Variants in SLC39A4 observed in about 807,000 individuals in gnomAD.
The protein encoded by SLC39A4 is zinc transporter ZIP4.
In SLC39A4, 49 loss-of-function variants were observed where a neutral mutation model predicts 56.6. That is an observed-to-expected ratio of 0.87 (90% CI 0.69 to 1.10). The LOEUF (loss-of-function observed/expected upper bound fraction) is 1.10. Ranked by LOEUF, SLC39A4 falls within the 50% of genes least tolerant of loss-of-function variation. The probability of loss-of-function intolerance (pLI) is 0.00; values close to 1 mark genes in which losing one functional copy is unlikely to be tolerated. For missense variants in SLC39A4, 993 were observed against 864.2 expected (o/e 1.15, Z -1.87); for synonymous variants, 540 against 420.4 (o/e 1.28, Z -3.48).
intron 1 of SLC39A4, chr8:144,416,318 G>C: frequency 1.3e-6 from 2 of 1,503,404 alleles, no homozygotes; most frequent in Middle Eastern, 1.7e-4. Context: ...ATCCCCAGGG[G>C]ACTCCCCTGG....
At chr8:144,413,936 G>A (rs736676) in intron 7 of SLC39A4, 22 bp downstream of exon 7, 2 of 1,609,320 alleles carry the variant, frequency 1.2e-6, no homozygotes, top group African/African-American at 1.3e-5. Context: ...CACCCGCCGG[G>A]TACCTTCCCA....
At chr8:144,414,155 AG>A in intron 6 of SLC39A4, 60 bp from the exon 7 acceptor site, 3 of 1,561,550 alleles carry the variant, frequency 1.9e-6, no homozygotes, top group Non-Finnish European at 2.6e-6. Context: ...ACCAAGACCC[AG>A]GGAGAGGGGT....
Position 144,414,308 on chromosome 8 carries a change from G to A in SLC39A4, c.1103C>T (p.Ala368Val), listed in dbSNP as rs377304857. The change falls in exon 6 of 12, where the codon GCA (alanine) becomes GTA (valine). Residue 368 changes from alanine (A) to valine (V), a missense_variant. By Grantham distance (64) the Ala-to-Val change is moderately conservative. Transcript: ENST00000301305. ...HYILQTFLSL[A>V]VGAVTGDAVL... Reference sequence around the variant, plus strand: ...AGCGTCCCCAGTGACTGCACCCACTGCCAGGCTCAGGAAGGTCTGCAGGAT... The same window carrying A: ...AGCGTCCCCAGTGACTGCACCCACTACCAGGCTCAGGAAGGTCTGCAGGAT... 1.2e-5 allele frequency: 20 copies of A among 1,606,006 alleles called. No individual in the cohort carries two copies. Among genetic ancestry groups the A allele is most frequent in the Non-Finnish European group, 1.6e-5 (19 of 1,177,624 alleles).
chr8:144,413,178 C>T, intron 10 of SLC39A4, 59 bp downstream of exon 10: 2 of 1,486,852 alleles, frequency 1.3e-6, no homozygotes, highest in South Asian at 1.2e-5. Flanking sequence ...TGTTCCAGGT[C>T]TCCCCTCCCA....
In SLC39A4 at chr8:144,413,661, C is replaced by G; in HGVS notation, c.1419+89G>C. The G allele has an allele frequency of 3.2e-6, 5 of 1,543,072 alleles. No individual in the cohort carries two copies. In the South Asian group the frequency reaches 6.0e-5, roughly 18 times the overall value. Reference sequence around the variant, plus strand: ...CAGATCACCGCGGGAGGCGGAGCCGCAGGCCTGGGGTGGGGCTGGGAGTGT... The same window carrying G: ...CAGATCACCGCGGGAGGCGGAGCCGGAGGCCTGGGGTGGGGCTGGGAGTGT... On this transcript the variant is annotated intron_variant, in intron 8 of 11. Transcript: ENST00000301305.
At position 144,414,268 on chromosome 8, in the gene SLC39A4, C is replaced by A. The variant is rs782380921; in HGVS notation, c.1143G>T (p.Thr381=). The A allele has an allele frequency of 5.0e-6, 8 of 1,608,576 alleles. No individual in the cohort carries two copies. Among genetic ancestry groups the A allele is most frequent in the Non-Finnish European group, 6.8e-6 (8 of 1,178,708 alleles). ...CGGGTTTGTGGGGGCAGACCTTGGG[C>A]GTCAGATGCAGGACAGCGTCCCCAG... ...AVTGDAVLHL[T]PKVLGLHTHS... Residue 381 remains threonine (T), a synonymous_variant, in exon 6 of 12, where the codon ACG becomes ACT. Transcript: ENST00000301305.
At chr8:144,413,592 C>T (rs1822004334) in intron 8 of SLC39A4, 25 bp from the exon 9 acceptor site, 1 of 1,549,670 alleles carries the variant, frequency 6.5e-7, no homozygotes, top group African/African-American at 1.4e-5. Flanking sequence ...GAGTAAGTCC[C>T]GCCCGGAAGT....
intron 5 of SLC39A4, 100 bp downstream of exon 5, chr8:144,414,625 C>T (rs1173801484): frequency 1.3e-6 from 2 of 1,550,594 alleles, no homozygotes; most frequent in Admixed American, 3.6e-5. Flanking sequence ...CTTCCAGCCC[C>T]TGCTCACTCT....
chr8:144,416,522 C>G (rs782809962), intron 1 of SLC39A4, 76 bp downstream of exon 1: 6 of 1,522,368 alleles, frequency 3.9e-6, no homozygotes, highest in Non-Finnish European at 5.3e-6. Flanking sequence ...TGCCCAGGGC[C>G]CTTTGCTGCC....
chr8:144,416,463 G>T, intron 1 of SLC39A4, 135 bp downstream of exon 1: 1 of 1,467,620 alleles, frequency 6.8e-7, no homozygotes, highest in Non-Finnish European at 9.0e-7. Flanking sequence ...CTGTGGGGAG[G>T]GTCAGGGTGC....
intron 1 of SLC39A4, 33 bp downstream of exon 1, chr8:144,416,565 A>T: frequency 6.4e-7 from 1 of 1,550,946 alleles, no homozygotes. Context: ...GGAAGAGGCC[A>T]GGGCTGGGGG....
rs1554873549 is a variant in SLC39A4, at chr8:144,415,297, C to G, written c.597G>C (p.Leu199Phe). 1 of 1,613,232 alleles carries G rather than the reference C, an allele frequency of 6.2e-7. No homozygotes were observed. Among genetic ancestry groups the G allele is most frequent in the Admixed American group, 1.7e-5 (1 of 60,010 alleles). Residue 199 changes from leucine (L) to phenylalanine (F), a missense_variant, in exon 3 of 12, where the codon TTG becomes TTC. Leu to Phe is a conservative substitution (Grantham distance 22). Transcript: ENST00000301305. ...AGTCCACGAAGTACTGAGGGCTCGG[C>G]AAGGCGTGGAAGCAAGACCCGCTCC... ...HVRSGSCFHA[L>F]PSPQYFVDFV... is the part of the protein sequence containing the mutation.
rs782455816 is a variant in SLC39A4, at chr8:144,416,679, G to A, written c.111C>T (p.Gly37=). The change falls in exon 1 of 12, where the codon GGC becomes GGT. Residue 37 remains glycine, a synonymous_variant. Transcript: ENST00000301305. ...CGCCCAGAGCCTCTTGATCCAGAGCGCCCTGGCCAGAGGTGAGCAGGCTCA... is the reference window on the plus strand; with the variant it reads ...CGCCCAGAGCCTCTTGATCCAGAGCACCCTGGCCAGAGGTGAGCAGGCTCA... The part of the protein sequence containing the change: ...GLLSLLTSGQ[G]ALDQEALGGL... 15 of 1,611,740 alleles carry A rather than the reference G, an allele frequency of 9.3e-6. No individual in the cohort carries two copies. Among genetic ancestry groups the A allele is most frequent in the Admixed American group, 3.3e-5 (2 of 59,838 alleles).
chr8:144,414,022 G>A lies in SLC39A4; in HGVS notation c.1223C>T (p.Ala408Val), dbSNP rs782378055. Residue 408 changes from alanine (A) to valine (V), a missense_variant, in exon 7 of 12, where the codon GCC becomes GTC. Ala to Val is a moderately conservative substitution (Grantham distance 64). Coordinates refer to ENST00000301305, the MANE Select transcript of SLC39A4 (RefSeq NM_130849.4). Reference protein sequence around the residue: ...QPTWRLLAMLAGLYAFFLFEN... With the variant: ...QPTWRLLAMLVGLYAFFLFEN... ...AAACAGGAAGAAGGCGTAGAGCCCGGCCAGCATAGCCAGGAGGCGCCAGGT... is the reference window on the plus strand; with the variant it reads ...AAACAGGAAGAAGGCGTAGAGCCCGACCAGCATAGCCAGGAGGCGCCAGGT... 3.8e-6 allele frequency: 6 copies of A among 1,595,196 alleles called. No homozygotes were observed. The Admixed American group carries it at 7.0e-5, about 19-fold the overall frequency.
At position 144,415,135 on chromosome 8, in the gene SLC39A4, G is replaced by A. The variant is rs201118130; in HGVS notation, c.668-25C>T. On this transcript the variant is annotated intron_variant, in intron 3 of 11. Transcript: ENST00000301305. ...TCTGGCAGGGAGAAGAGTTGGCACC[G>A]CGAGTCTGTGTGGGCTCCGGCCCTG... 123 of 1,612,538 alleles carry A rather than the reference G, an allele frequency of 7.6e-5. 1 individual carries two copies. Among genetic ancestry groups the A allele is most frequent in the African/African-American group, 2.5e-4 (19 of 75,010 alleles).
chr8:144,416,522 C>T (rs782809962), intron 1 of SLC39A4, 76 bp downstream of exon 1: 3 of 1,522,250 alleles, frequency 2.0e-6, no homozygotes, highest in Non-Finnish European at 1.8e-6. Context: ...TGCCCAGGGC[C>T]CTTTGCTGCC....
intron 1 of SLC39A4, 58 bp downstream of exon 1, chr8:144,416,540 A>G: frequency 6.5e-7 from 1 of 1,534,376 alleles, no homozygotes; most frequent in Non-Finnish European, 8.8e-7. Flanking sequence ...GCCGGCTGGC[A>G]GGGCGGAGCT....
At chr8:144,414,503 C>T in intron 5 of SLC39A4, 69 bp from the exon 6 acceptor site, 5 of 1,545,784 alleles carry the variant, frequency 3.2e-6, no homozygotes, top group Non-Finnish European at 4.4e-6. Context: ...GGGCGCTGCT[C>T]ACCAGAGCTG....
chr8:144,413,094 GCCCCGCC>G, intron 10 of SLC39A4, 136 bp downstream of exon 10: 1 of 1,474,914 alleles, frequency 6.8e-7, no homozygotes, highest in Non-Finnish European at 9.1e-7. Context: ...CACCTTCCAG[GCCCCGCC>G]CCACCTGTTT....
Sources: gnomAD v4.1 joint callset for allele counts on GRCh38, gnomAD v4.1.1 for gene constraint, MANE v1.5 for transcripts, NCBI Gene and HGNC (gene_info 2026-07-23, HGNC 2026-07-21) for gene names.